CD99: variants seen among roughly 807,000 people sequenced by gnomAD.
The protein encoded by CD99 is CD99 molecule (Xg blood group), also known as CD99 antigen.
A neutral mutation model predicts 28.4 loss-of-function variants in CD99; 19 were observed. The observed-to-expected ratio is 0.67, with a 90% CI of 0.47 to 0.98. The LOEUF (loss-of-function observed/expected upper bound fraction) is 0.98. Among genes scored for constraint, CD99 ranks in the 50% least tolerant of loss-of-function variants. The pLI, the probability that CD99 is intolerant of heterozygous loss-of-function variation, is 0.00. For synonymous variants in CD99, 103 were observed against 92.1 expected, an observed-to-expected ratio of 1.12 and a Z score of -0.67; for missense variants, 283 against 248.8, an observed-to-expected ratio of 1.14 and a Z score of -0.92.
intron 3 of CD99, among the ~76,000 whole-genome samples, chrX:2,718,369 CTT>C (rs750689789): frequency 8.8e-5 from 12 of 136,856 alleles, no homozygotes; most frequent in Non-Finnish European, 1.1e-4. Flanking sequence ...TTCTTTCTTT[CTT>C]TTTTTTTTTT....
At chrX:2,738,155 A>G (rs1291117269) in intron 8 of CD99, 45 bp from the exon 9 acceptor site, 8 of 1,555,242 alleles carry the variant, frequency 5.1e-6, no homozygotes, top group South Asian at 2.2e-5. Context: ...GGAGTGGGTT[A>G]TCTGTTGCAC....
At chrX:2,722,555 C>T (rs1302415023) in intron 5 of CD99, 72 bp from the exon 6 acceptor site, 1 of 1,367,112 alleles carries the variant, frequency 7.3e-7, no homozygotes, top group Non-Finnish European at 1.0e-6. Context: ...ATGAGTTTTT[C>T]CTTTATTCTA....
chrX:2,712,452 A>G (rs1201343520), intron 1 of CD99, among the ~76,000 whole-genome samples: 1 of 152,152 alleles, frequency 6.6e-6, no homozygotes, highest in Non-Finnish European at 1.5e-5. Context: ...ATACAATTAC[A>G]GATTTCTATG....
At chrX:2,704,218 C>T (rs1484272207) in intron 1 of CD99, among the ~76,000 whole-genome samples, 2 of 152,164 alleles carry the variant, frequency 1.3e-5, no homozygotes, top group African/African-American at 4.8e-5. Flanking sequence ...GCTCAGGGGA[C>T]GTTCCCAGAG....
At chrX:2,691,474 C>T (rs368577206) in intron 1 of CD99, 47 bp downstream of exon 1, 9 of 1,544,606 alleles carry the variant, frequency 5.8e-6, no homozygotes, top group South Asian at 1.2e-5. Flanking sequence ...AGGGCGCGGG[C>T]CGGGACTGGG....
chrX:2,692,350 A>T (rs1356979397), intron 1 of CD99: 2 of 191,104 alleles, frequency 1.0e-5, no homozygotes, highest in African/African-American at 4.8e-5. Context: ...GACGGGCCTT[A>T]TCAGGGCTGG....
intron 3 of CD99, among the ~76,000 whole-genome samples, chrX:2,718,259 G>A (rs2048831448): frequency 6.6e-6 from 1 of 151,888 alleles, no homozygotes; most frequent in East Asian, 1.9e-4. Flanking sequence ...CTTCCTAGGA[G>A]AGAGAGCATT....
At chrX:2,713,789 T>G (rs2124547776) in intron 1 of CD99, among the ~76,000 whole-genome samples, 1 of 152,326 alleles carries the variant, frequency 6.6e-6, no homozygotes, top group South Asian at 2.1e-4. Context: ...TTCCTCCAGT[T>G]GACCAAACAG....
At chrX:2,710,387 C>T (rs2048339203) in intron 1 of CD99, among the ~76,000 whole-genome samples, 1 of 152,046 alleles carries the variant, frequency 6.6e-6, no homozygotes, top group South Asian at 2.1e-4. Flanking sequence ...GGGGATTGTC[C>T]TATGTTGCTT....
At chrX:2,737,178 T>C (rs2049986543) in intron 8 of CD99, among the ~76,000 whole-genome samples, 1 of 152,268 alleles carries the variant, frequency 6.6e-6, no homozygotes, top group African/African-American at 2.4e-5. Flanking sequence ...TTTATTTTTA[T>C]TTATTTTAAT....
At chrX:2,713,468 C>T (rs1341734893) in intron 1 of CD99, among the ~76,000 whole-genome samples, 1 of 152,164 alleles carries the variant, frequency 6.6e-6, no homozygotes, top group Non-Finnish European at 1.5e-5. Flanking sequence ...CTCACCTACA[C>T]ACCCCATACA....
chrX:2,721,171 TTA>T (rs1285858491), intron 5 of CD99, among the ~76,000 whole-genome samples: 2 of 152,172 alleles, frequency 1.3e-5, no homozygotes, highest in Admixed American at 6.6e-5. Context: ...TGTCGAAAGT[TTA>T]TATGTTTAGG....
At chrX:2,706,311 A>G (rs919851251) in intron 1 of CD99, among the ~76,000 whole-genome samples, 2 of 151,980 alleles carry the variant, frequency 1.3e-5, no homozygotes, top group Non-Finnish European at 2.9e-5. Flanking sequence ...AGTGAGCCAA[A>G]ATCGGGCCAC....
At chrX:2,724,879 C>T (rs1041790114) in intron 7 of CD99, among the ~76,000 whole-genome samples, 8 of 140,644 alleles carry the variant, frequency 5.7e-5, no homozygotes, top group Admixed American at 7.3e-5. Flanking sequence ...GCCTGGGTGA[C>T]AAAGTAAGAC....
intron 6 of CD99, among the ~76,000 whole-genome samples, chrX:2,722,943 C>T (rs981001616): frequency 4.6e-5 from 7 of 152,224 alleles, no homozygotes; most frequent in Non-Finnish European, 1.0e-4. Context: ...TGAATGGGCC[C>T]TTGTCACCAC....
chrX:2,737,860 G>A (rs757733118), intron 8 of CD99: 167 of 466,980 alleles, frequency 3.6e-4, no homozygotes, highest in Non-Finnish European at 5.9e-4. Flanking sequence ...ACAGATGCAC[G>A]TACTTTTTTT....
At chrX:2,727,050 T>C (rs1315740646) in intron 8 of CD99, among the ~76,000 whole-genome samples, 1 of 152,150 alleles carries the variant, frequency 6.6e-6, no homozygotes, top group African/African-American at 2.4e-5. Flanking sequence ...GGCAGGAGAA[T>C]GGTGTGAACC....
At chrX:2,725,512 G>A (rs890641987) in intron 7 of CD99, among the ~76,000 whole-genome samples, 13 of 152,204 alleles carry the variant, frequency 8.5e-5, no homozygotes, top group Admixed American at 5.2e-4. Context: ...GATACAAAAC[G>A]CATTGGCAAA....
chrX:2,696,413 A>C (rs1031407525), intron 1 of CD99, among the ~76,000 whole-genome samples: 6 of 151,680 alleles, frequency 4.0e-5, no homozygotes, highest in Admixed American at 3.3e-4. Flanking sequence ...TTTTCTTTTT[A>C]TTTTGAGATG....
Sources: gnomAD v4.1 joint callset for allele counts (sites outside exome capture counted in the v4.1 genomes callset) on GRCh38, gnomAD v4.1.1 for gene constraint, MANE v1.5 for transcripts, NCBI Gene and HGNC (gene_info 2026-07-23, HGNC 2026-07-21) for gene names.